CENPS: variants seen among roughly 807,000 people sequenced by gnomAD.
CENPS encodes the protein centromere protein S, also known as FANCM associated histone fold protein 1.
In CENPS, 16 loss-of-function variants were observed where a neutral mutation model predicts 17.9. That is an observed-to-expected ratio of 0.90 (90% CI 0.61 to 1.36). CENPS has a LOEUF of 1.36. Among genes scored for constraint, CENPS ranks in the 40% most tolerant of loss-of-function variants. The pLI, the probability that CENPS is intolerant of heterozygous loss-of-function variation, is 0.00. For synonymous variants in CENPS, 49 were observed against 55.8 expected, an observed-to-expected ratio of 0.88 and a Z score of 0.54; for missense variants, 160 against 158.6, an observed-to-expected ratio of 1.01 and a Z score of -0.05.
intron 1 of CENPS, among the ~76,000 whole-genome samples, chr1:10,432,015 A>G (rs75632871): frequency 4.0e-5 from 6 of 151,606 alleles, no homozygotes; most frequent in East Asian, 3.9e-4. Flanking sequence ...TTTTTCCTTC[A>G]TCCAGGATTC....
intron 1 of CENPS, among the ~76,000 whole-genome samples, chr1:10,432,261 A>G (rs1431803340): frequency 1.3e-5 from 2 of 151,810 alleles, no homozygotes; most frequent in Non-Finnish European, 2.9e-5. Flanking sequence ...CTAATTTTGT[A>G]TGTTTAGTAG....
At chr1:10,433,374 G>A (rs1285848770) in intron 1 of CENPS, among the ~76,000 whole-genome samples, 2 of 152,192 alleles carry the variant, frequency 1.3e-5, no homozygotes, top group Non-Finnish European at 2.9e-5. Context: ...TCTGTGACGT[G>A]CAGGCCTGGG....
chr1:10,437,108 T>A (rs1640199639), intron 3 of CENPS, among the ~76,000 whole-genome samples: 2 of 152,192 alleles, frequency 1.3e-5, no homozygotes, highest in Non-Finnish European at 2.9e-5. Context: ...GGGAACCTAA[T>A]GAGTATTCGT....
intron 1 of CENPS, chr1:10,430,998 A>C: frequency 1.3e-5 from 17 of 1,289,116 alleles, no homozygotes; most frequent in Non-Finnish European, 1.7e-5. Context: ...CTCGTTACTG[A>C]TGCAGGGACG....
Position 10,430,523 on chromosome 1 carries a change from G to A in CENPS, c.6G>A (p.Glu2=), listed in dbSNP as rs1426885997. 5 of 1,538,820 alleles carry A rather than the reference G, an allele frequency of 3.2e-6. No individual in the cohort carries two copies. Among genetic ancestry groups the A allele is most frequent in the Admixed American group, 2.0e-5 (1 of 50,334 alleles). Reference sequence around the variant, plus strand: ...CCCAGGGTCGGCCCGCAGTGATGGAGGAGGAGGCGGAGACCGAGGAGCAGC... The same window carrying A: ...CCCAGGGTCGGCCCGCAGTGATGGAAGAGGAGGCGGAGACCGAGGAGCAGC... M[E]EEAETEEQQR... is the part of the protein sequence containing the mutation. The change falls in exon 1 of 5, where the codon GAG becomes GAA. Residue 2 remains glutamate (E), a synonymous_variant. Coordinates refer to ENST00000309048, the MANE Select transcript of CENPS (RefSeq NM_199294.3).
At chr1:10,430,815 G>T in intron 1 of CENPS, 1 of 1,351,682 alleles carries the variant, frequency 7.4e-7, no homozygotes, top group Non-Finnish European at 9.5e-7. Context: ...CGGGCGCCGG[G>T]GTCCGGCGGC....
intron 3 of CENPS, among the ~76,000 whole-genome samples, chr1:10,435,624 G>A (rs1236637846): frequency 6.6e-6 from 1 of 150,808 alleles, no homozygotes; most frequent in Non-Finnish European, 1.5e-5. Flanking sequence ...CCTCCTCCCC[G>A]GTGAAAGATA....
Position 10,434,619 on chromosome 1 carries a change from AG to A in CENPS, c.176-35del, listed in dbSNP as rs756850600. 2.5e-6 allele frequency: 4 copies of A among 1,601,154 alleles called. 1 individual carries two copies. The highest frequency in any genetic ancestry group is 3.4e-6 in the Non-Finnish European group (4 of 1,176,700). ...TTTTCTGCTTCTGAAATTAGATGGG[AG>A]GGTGCCTAAAGTGTGTATCTTTTTT... On this transcript the variant is annotated intron_variant, in intron 2 of 4. Transcript: ENST00000309048.
At chr1:10,431,710 C>T (rs1362566842) in intron 1 of CENPS, among the ~76,000 whole-genome samples, 1 of 151,826 alleles carries the variant, frequency 6.6e-6, no homozygotes, top group Non-Finnish European at 1.5e-5. Flanking sequence ...AAAAATTAGC[C>T]GAGTGTGGTG....
intron 1 of CENPS, among the ~76,000 whole-genome samples, chr1:10,433,474 T>G (rs1640013738): frequency 6.6e-6 from 1 of 152,232 alleles, no homozygotes; most frequent in Non-Finnish European, 1.5e-5. Flanking sequence ...GGTTTTTCAT[T>G]GTTTCCCAAA....
chr1:10,434,843 GCCT>G, intron 3 of CENPS, among the ~76,000 whole-genome samples, 153 bp downstream of exon 3: 1 of 152,134 alleles, frequency 6.6e-6, no homozygotes, highest in Non-Finnish European at 1.5e-5. Flanking sequence ...AGAACATGAC[GCCT>G]CCTTCAATCA....
intron 1 of CENPS, chr1:10,431,299 A>G (rs1413440517): frequency 2.6e-6 from 4 of 1,535,286 alleles, no homozygotes; most frequent in Non-Finnish European, 3.5e-6. Flanking sequence ...AATGAGCTCC[A>G]GACGCGGGAG....
chr1:10,441,768 G>A (rs1640425281), intron 4 of CENPS, among the ~76,000 whole-genome samples: 1 of 151,606 alleles, frequency 6.6e-6, no homozygotes, highest in Non-Finnish European at 1.5e-5. Flanking sequence ...TGGGCCTACA[G>A]GCACCCACCA....
chr1:10,435,151 C>A (rs889839448), intron 3 of CENPS, among the ~76,000 whole-genome samples: 1 of 152,162 alleles, frequency 6.6e-6, no homozygotes, highest in Non-Finnish European at 1.5e-5. Flanking sequence ...CGCATTTGTT[C>A]CGAGTAAGAC....
intron 1 of CENPS, chr1:10,431,220 G>T (rs1639897933): frequency 1.3e-6 from 2 of 1,525,196 alleles, no homozygotes; most frequent in East Asian, 2.5e-5. Flanking sequence ...TGAGAACGTT[G>T]CCGTGAAGAG....
At chr1:10,431,137 T>G in intron 1 of CENPS, 1 of 1,430,886 alleles carries the variant, frequency 7.0e-7, no homozygotes, top group Non-Finnish European at 9.1e-7. Flanking sequence ...ATAAGAATAA[T>G]CACTTGTCAG....
In CENPS at chr1:10,442,456, A is replaced by G; in HGVS notation, c.*51A>G. The G allele has an allele frequency of 6.7e-7, 1 of 1,485,624 alleles. No homozygotes were observed. The highest frequency in any genetic ancestry group is 8.9e-7 in the Non-Finnish European group (1 of 1,124,458). 92.0% of individuals were successfully genotyped at this position (1,485,624 alleles called of 1,614,324 possible). A position where few individuals can be genotyped will look rare whatever the true frequency, so the allele number is the denominator to read the frequency against. ...GCCTTCTACAGGTAGAGCCACCTAG[A>G]AATGCATATGGCTGCAAAGGAAACT... is the stretch of plus-strand genomic sequence containing the variant. On this transcript the variant is annotated 3_prime_UTR_variant, in exon 5 of 5. Transcript: ENST00000309048.
At chr1:10,434,891 T>C in intron 3 of CENPS, among the ~76,000 whole-genome samples, 1 of 152,138 alleles carries the variant, frequency 6.6e-6, no homozygotes, top group East Asian at 1.9e-4. Context: ...TTTTTTGAAG[T>C]TTTCCAAGTA....
intron 1 of CENPS, among the ~76,000 whole-genome samples, chr1:10,431,618 G>A (rs1381788097): frequency 6.6e-6 from 1 of 152,140 alleles, no homozygotes; most frequent in African/African-American, 2.4e-5. Flanking sequence ...CACTTTGGGA[G>A]GCCGAGGTGG....
Sources: allele counts gnomAD v4.1 joint callset (sites outside exome capture counted in the v4.1 genomes callset), GRCh38; gene constraint gnomAD v4.1.1; transcripts MANE v1.5; gene names NCBI Gene and HGNC (gene_info 2026-07-23, HGNC 2026-07-21).